MGAT4C: variants seen among roughly 807,000 people sequenced by gnomAD.
MGAT4C encodes the protein alpha-1,3-mannosyl-glycoprotein 4-beta-N-acetylglucosaminyltransferase C.
A neutral mutation model predicts 40.1 loss-of-function variants in MGAT4C; 19 were observed. That is an observed-to-expected ratio of 0.47 (90% CI 0.33 to 0.70). MGAT4C has a LOEUF of 0.70. MGAT4C is among the 30% of genes least tolerant of loss of function. MGAT4C has a pLI of 0.02. For missense variants in MGAT4C, 491 were observed against 563.2 expected, an observed-to-expected ratio of 0.87 and a Z score of 1.30; for synonymous variants, 181 against 187.1, an observed-to-expected ratio of 0.97 and a Z score of 0.27.
intron 1 of MGAT4C, among the ~76,000 whole-genome samples, chr12:86,249,104 A>G (rs1356469075): frequency 1.3e-5 from 2 of 152,180 alleles, no homozygotes; most frequent in Admixed American, 1.3e-4. Flanking sequence ...ATTCTATAAG[A>G]AGGGGAGTTC....
chr12:86,579,143 T>C (rs1195321961), intron 2 of MGAT4C, among the ~76,000 whole-genome samples: 1 of 151,656 alleles, frequency 6.6e-6, no homozygotes, highest in Non-Finnish European at 1.5e-5. Flanking sequence ...GGAGAGTCTA[T>C]TTACATTCAA....
At chr12:86,814,043 T>G (rs1472422510) in intron 1 of MGAT4C, among the ~76,000 whole-genome samples, 1 of 151,886 alleles carries the variant, frequency 6.6e-6, no homozygotes, top group East Asian at 1.9e-4. Flanking sequence ...TCCAATTAGC[T>G]GGGACTACAG....
chr12:86,798,001 G>A (rs1467259832), intron 1 of MGAT4C, among the ~76,000 whole-genome samples: 2 of 151,670 alleles, frequency 1.3e-5, no homozygotes, highest in Admixed American at 6.6e-5. Flanking sequence ...TCTTAACTGT[G>A]TACACCTACT....
chr12:86,463,253 A>C (rs955768328), intron 2 of MGAT4C, among the ~76,000 whole-genome samples: 2 of 152,170 alleles, frequency 1.3e-5, no homozygotes, highest in Admixed American at 6.5e-5. Context: ...CCATTGAGCA[A>C]TCATTTGAAA....
intron 2 of MGAT4C, among the ~76,000 whole-genome samples, chr12:86,654,247 C>G (rs1963778177): frequency 6.6e-6 from 1 of 151,596 alleles, no homozygotes; most frequent in Non-Finnish European, 1.5e-5. Context: ...TTGCATCAGA[C>G]AAGGAGGGTA....
At chr12:86,581,829 CAA>C (rs1168088894) in intron 2 of MGAT4C, among the ~76,000 whole-genome samples, 8 of 151,364 alleles carry the variant, frequency 5.3e-5, no homozygotes, top group African/African-American at 1.9e-4. Context: ...CAAATTAAGT[CAA>C]GTTTTTAACA....
chr12:86,112,755 A>C (rs1877682080), intron 1 of MGAT4C, among the ~76,000 whole-genome samples: 2 of 151,804 alleles, frequency 1.3e-5, no homozygotes, highest in Non-Finnish European at 2.9e-5. Flanking sequence ...TGAAATAGTT[A>C]GGAGGAAACA....
intron 1 of MGAT4C, among the ~76,000 whole-genome samples, chr12:86,144,392 G>T (rs1372771742): frequency 6.6e-6 from 1 of 152,008 alleles, no homozygotes; most frequent in East Asian, 1.9e-4. Context: ...TCGAGTACAG[G>T]TCTTATCTCT....
intron 1 of MGAT4C, among the ~76,000 whole-genome samples, chr12:86,253,618 C>G (rs1952395769): frequency 6.6e-6 from 1 of 151,866 alleles, no homozygotes. Context: ...ATTTATGTAC[C>G]TAAAATATAC....
At chr12:86,538,145 A>G (rs1959106070) in intron 2 of MGAT4C, among the ~76,000 whole-genome samples, 1 of 152,184 alleles carries the variant, frequency 6.6e-6, no homozygotes, top group South Asian at 2.1e-4. Flanking sequence ...TGAAAGCCTA[A>G]TTTTTAAAAA....
chr12:86,181,624 C>G (rs770514377), intron 1 of MGAT4C, among the ~76,000 whole-genome samples: 1 of 152,122 alleles, frequency 6.6e-6, no homozygotes, highest in Non-Finnish European at 1.5e-5. Flanking sequence ...CTACATCTAT[C>G]TATCATGAAC....
At chr12:86,064,599 C>T (rs780527070) in intron 1 of MGAT4C, among the ~76,000 whole-genome samples, 1 of 151,996 alleles carries the variant, frequency 6.6e-6, no homozygotes, top group Non-Finnish European at 1.5e-5. Flanking sequence ...GTAACTGCCA[C>T]AAGAGAAAGC....
intron 3 of MGAT4C, among the ~76,000 whole-genome samples, chr12:86,349,446 T>C (rs367623773): frequency 4.6e-5 from 7 of 152,168 alleles, no homozygotes; most frequent in African/African-American, 1.4e-4. Flanking sequence ...CTCTTCCTTG[T>C]AGGTTCCTGA....
intron 1 of MGAT4C, among the ~76,000 whole-genome samples, chr12:86,242,194 C>T (rs762744933): frequency 2.6e-5 from 4 of 152,132 alleles, no homozygotes; most frequent in Non-Finnish European, 4.4e-5. Flanking sequence ...CCCTTTTATG[C>T]AGTTAACAGG....
chr12:86,245,943 T>A (rs1236320721), intron 1 of MGAT4C, among the ~76,000 whole-genome samples: 2 of 152,190 alleles, frequency 1.3e-5, no homozygotes, highest in African/African-American at 2.4e-5. Context: ...AACAAAAGTT[T>A]ACACCATTAT....
chr12:86,697,254 T>C (rs1950275553), intron 2 of MGAT4C, among the ~76,000 whole-genome samples: 1 of 152,134 alleles, frequency 6.6e-6, no homozygotes, highest in Non-Finnish European at 1.5e-5. Flanking sequence ...TCTCCCTGTT[T>C]GTAGTCTCAT....
chr12:86,350,687 A>C (rs1437494384), intron 3 of MGAT4C, among the ~76,000 whole-genome samples: 3 of 152,188 alleles, frequency 2.0e-5, no homozygotes, highest in Non-Finnish European at 4.4e-5. Context: ...AACACATTGT[A>C]AACTGTGGTT....
chr12:86,091,413 G>A (rs1467402195), intron 1 of MGAT4C, among the ~76,000 whole-genome samples: 3 of 152,006 alleles, frequency 2.0e-5, no homozygotes, highest in Non-Finnish European at 2.9e-5. Flanking sequence ...TTTTTATGAA[G>A]CATTAATGCA....
chr12:86,122,358 C>G (rs1033274531), intron 1 of MGAT4C, among the ~76,000 whole-genome samples: 16 of 152,174 alleles, frequency 1.1e-4, no homozygotes, highest in Middle Eastern at 3.4e-3. Context: ...TACATTTGTG[C>G]CACTGTTATT....
Sources: gnomAD v4.1 joint callset for allele counts (sites outside exome capture counted in the v4.1 genomes callset) on GRCh38, gnomAD v4.1.1 for gene constraint, MANE v1.5 for transcripts, NCBI Gene and HGNC (gene_info 2026-07-23, HGNC 2026-07-21) for gene names.